Variants in SGCG observed in about 807,000 individuals in gnomAD.
SGCG encodes sarcoglycan gamma, also known as gamma-sarcoglycan.
A neutral mutation model predicts 29.3 loss-of-function variants in SGCG; 26 were observed. The ratio of observed to expected loss-of-function variants is 0.89; its 90% CI spans 0.65 to 1.23. SGCG has a LOEUF of 1.23. Ranked by LOEUF, SGCG falls within the 50% of genes most tolerant of loss-of-function variation. SGCG has a pLI of 0.00. For missense variants in SGCG, 353 were observed against 356.0 expected, an observed-to-expected ratio of 0.99 and a Z score of 0.07; for synonymous variants, 145 against 129.7, an observed-to-expected ratio of 1.12 and a Z score of -0.80.
intron 4 of SGCG, chr13:23,267,981 ACAGTAG>A (rs1566023625): frequency 6.6e-6 from 1 of 152,466 alleles, no homozygotes; most frequent in East Asian, 1.9e-4. Context: ...AAATAAAAGA[ACAGTAG>A]CAGAGATATT....
chr13:23,311,202 T>C (rs1882588312), intron 6 of SGCG, among the ~76,000 whole-genome samples: 1 of 152,224 alleles, frequency 6.6e-6, no homozygotes, highest in Admixed American at 6.5e-5. Flanking sequence ...TAGTGCACTT[T>C]TGATTCTTTA....
chr13:23,324,221 A>G (rs1883146475), intron 7 of SGCG, 147 bp from the exon 8 acceptor site: 21 of 729,430 alleles, frequency 2.9e-5, no homozygotes, highest in Non-Finnish European at 5.0e-5. Flanking sequence ...GAATCGGATA[A>G]TTACGAAATG....
chr13:23,239,093 T>C (rs1308896562), intron 3 of SGCG, among the ~76,000 whole-genome samples: 1 of 152,046 alleles, frequency 6.6e-6, no homozygotes. Flanking sequence ...CATGATAAAA[T>C]CTTTAAGCCT....
At chr13:23,233,625 A>C (rs9552885) in intron 2 of SGCG, among the ~76,000 whole-genome samples, 15,772 of 152,236 alleles carry the variant, frequency 0.1, 1,134 homozygotes, top group East Asian at 0.39. Flanking sequence ...ACAACATCAC[A>C]AAGGTACTTA....
At chr13:23,189,762 TAAGAGAC>T (rs1362825871) in intron 1 of SGCG, among the ~76,000 whole-genome samples, 1 of 152,192 alleles carries the variant, frequency 6.6e-6, no homozygotes, top group Non-Finnish European at 1.5e-5. Flanking sequence ...TTGAATAAGA[TAAGAGAC>T]AAGAGAGAAA....
intron 6 of SGCG, among the ~76,000 whole-genome samples, chr13:23,302,203 A>G (rs1458117912): frequency 6.6e-6 from 1 of 151,506 alleles, no homozygotes; most frequent in Non-Finnish European, 1.5e-5. Context: ...AATATACACT[A>G]CTTAGTGATT....
At chr13:23,178,753 C>A (rs1876636789), upstream of SGCG, among the ~76,000 whole-genome samples, 1 of 152,158 alleles carries the variant, frequency 6.6e-6, no homozygotes, top group African/African-American at 2.4e-5. Context: ...GAAATGATTT[C>A]TCCAAAACTG....
chr13:23,177,090 G>A (rs968976369), upstream of SGCG, among the ~76,000 whole-genome samples: 3 of 152,130 alleles, frequency 2.0e-5, no homozygotes, highest in Admixed American at 1.3e-4. Context: ...TGAACCTGAA[G>A]GACATCATGT....
chr13:23,292,119 C>CTTTTTTTTTTTTTTTTTTT (rs71100167), intron 5 of SGCG, among the ~76,000 whole-genome samples: 14 of 147,528 alleles, frequency 9.5e-5, no homozygotes, highest in African/African-American at 2.8e-4. Flanking sequence ...ACATTTCTTT[C>CTTTTTTTTTTTTTTTTTTT]TTTTTTTTGA....
intron 4 of SGCG, among the ~76,000 whole-genome samples, chr13:23,270,704 A>G (rs1370590550): frequency 3.9e-5 from 6 of 152,200 alleles, no homozygotes; most frequent in African/African-American, 7.2e-5. Context: ...GTATTCAAAC[A>G]TAGAATCTTT....
intron 5 of SGCG, among the ~76,000 whole-genome samples, chr13:23,294,327 T>G (rs546507164): frequency 4.1e-4 from 63 of 152,326 alleles, no homozygotes; most frequent in Non-Finnish European, 8.7e-4. Flanking sequence ...AGGATATAGA[T>G]TTAAATATAA....
intron 2 of SGCG, among the ~76,000 whole-genome samples, chr13:23,227,702 T>C (rs1343945442): frequency 6.6e-6 from 1 of 152,218 alleles, no homozygotes; most frequent in Non-Finnish European, 1.5e-5. Flanking sequence ...ATCTATGTTA[T>C]GTCCTGGAAT....
chr13:23,233,014 CA>C (rs901847648), intron 2 of SGCG, among the ~76,000 whole-genome samples: 2 of 152,098 alleles, frequency 1.3e-5, no homozygotes, highest in Non-Finnish European at 2.9e-5. Flanking sequence ...TGGCAGTTCT[CA>C]AAAAATTAAC....
Position 23,250,692 on chromosome 13 carries a change from G to C in SGCG, c.360G>C (p.Gly120=). The C allele has an allele frequency of 1.2e-6, 2 of 1,611,622 alleles. No individual in the cohort carries two copies. The highest frequency in any genetic ancestry group is 1.7e-6 in the Non-Finnish European group (2 of 1,177,892). The change falls in exon 4 of 8, where the codon GGG becomes GGC. Residue 120 remains glycine, a synonymous_variant. Coordinates refer to ENST00000218867, the MANE Select transcript of SGCG (RefSeq NM_000231.3). ...NVTVNARNSE[G]EVTGRLKVGP... ...CTGTAAATGCGCGCAACTCAGAAGG[G>C]GAGGTCACAGGCAGGTTAAAAGTCG...
At chr13:23,223,571 C>T (rs1031017123) in intron 2 of SGCG, among the ~76,000 whole-genome samples, 2 of 152,032 alleles carry the variant, frequency 1.3e-5, no homozygotes, top group East Asian at 3.9e-4. Context: ...GAAAAATAGT[C>T]ACGTTTCAGA....
At chr13:23,291,497 T>C (rs1266172553) in intron 5 of SGCG, among the ~76,000 whole-genome samples, 1 of 152,218 alleles carries the variant, frequency 6.6e-6, no homozygotes, top group Non-Finnish European at 1.5e-5. Flanking sequence ...AAATTCATTT[T>C]ATTATACGCA....
chr13:23,220,822 T>C (rs772366529), intron 2 of SGCG, among the ~76,000 whole-genome samples: 35 of 152,204 alleles, frequency 2.3e-4, no homozygotes, highest in Middle Eastern at 3.2e-3. Flanking sequence ...AGTTAGTCTC[T>C]TTGTGAGTAT....
At chr13:23,166,095 G>C in the SGCG span, among the ~76,000 whole-genome samples, 4 of 152,116 alleles carry the variant, frequency 2.6e-5, no homozygotes, top group African/African-American at 9.6e-5. Context: ...AACGGTGAGA[G>C]GGAACTTCCT....
chr13:23,186,145 C>A (rs1876962060), intron 1 of SGCG, among the ~76,000 whole-genome samples: 1 of 152,212 alleles, frequency 6.6e-6, no homozygotes, highest in Admixed American at 6.5e-5. Flanking sequence ...AACACCCTGG[C>A]TGGTCTGAGT....
Sources: gnomAD v4.1 joint callset for allele counts (sites outside exome capture counted in the v4.1 genomes callset) on GRCh38, gnomAD v4.1.1 for gene constraint, MANE v1.5 for transcripts, NCBI Gene and HGNC (gene_info 2026-07-23, HGNC 2026-07-21) for gene names.